Variants in ZNF655 observed in about 807,000 individuals in gnomAD.
ZNF655 encodes Vav-interacting Kruppel-like protein 1.
A neutral mutation model predicts 6.6 loss-of-function variants in ZNF655; 3 were observed. The observed-to-expected ratio is 0.46, with a 90% CI of 0.21 to 1.18. The LOEUF (loss-of-function observed/expected upper bound fraction) is 1.18. Among genes scored for constraint, ZNF655 ranks in the 50% most tolerant of loss-of-function variants. ZNF655 has a pLI of 0.24. For missense variants in ZNF655, 526 were observed against 572.3 expected (o/e 0.92, Z 0.83); for synonymous variants, 178 against 195.0 (o/e 0.91, Z 0.73).
rs1389657476 is a variant in ZNF655 at position 99,560,590 on chromosome 7, G to A, written c.31G>A (p.Gly11Arg). 6.2e-7 allele frequency: 1 copy of A among 1,614,182 alleles called. No individual in the cohort carries two copies. Among genetic ancestry groups the A allele is most frequent in the South Asian group, 1.1e-5 (1 of 91,080 alleles). MEEIPAQEAA[G>R]SPRVQFQSLE... Reference sequence around the variant, plus strand: ...GGAAATACCAGCCCAGGAAGCAGCAGGGTCACCAAGGGTCCAGTTTCAGTC... The same window carrying A: ...GGAAATACCAGCCCAGGAAGCAGCAAGGTCACCAAGGGTCCAGTTTCAGTC... Residue 11 changes from glycine to arginine, a missense_variant, in exon 2 of 3, where the codon GGG becomes AGG. Coordinates refer to ENST00000252713, the MANE Select transcript of ZNF655 (RefSeq NM_138494.3).
Position 99,573,175 on chromosome 7 carries a change from A to G in ZNF655, c.1067A>G (p.Lys356Arg). The G allele has an allele frequency of 6.2e-7, 1 of 1,614,164 alleles. No homozygotes were observed. Among genetic ancestry groups the G allele is most frequent in the Non-Finnish European group, 8.5e-7 (1 of 1,180,008 alleles). Residue 356 changes from lysine to arginine, a missense_variant, in exon 3 of 3, where the codon AAA becomes AGA. Coordinates refer to ENST00000252713, the MANE Select transcript of ZNF655 (RefSeq NM_138494.3). ...CATCAGAGGGTCCATCATGAAGAGAAAGCCTATGAGTATGATGAATATGGG... is the reference window on the plus strand; with the variant it reads ...CATCAGAGGGTCCATCATGAAGAGAGAGCCTATGAGTATGATGAATATGGG... ...LEHQRVHHEE[K>R]AYEYDEYGLA... is the part of the protein sequence containing the mutation.
chr7:99,572,712 T>G lies in ZNF655; in HGVS notation c.604T>G (p.Trp202Gly). 6.2e-7 allele frequency: 1 copy of G among 1,613,254 alleles called. No homozygotes were observed. Among genetic ancestry groups the G allele is most frequent in the Non-Finnish European group, 8.5e-7 (1 of 1,179,926 alleles). The change falls in exon 3 of 3, where the codon TGG (tryptophan) becomes GGG (glycine). Residue 202 changes from tryptophan to glycine, a missense_variant. Coordinates refer to ENST00000252713, the MANE Select transcript of ZNF655 (RefSeq NM_138494.3). The stretch of plus-strand genomic sequence containing the variant: ...AATGGATCTCTCCCACCTTAATAAA[T>G]GGGAGAGCATCCCTAACACTGAGAA... ...SLMDLSHLNK[W>G]ESIPNTEKSY...
Position 99,573,859 on chromosome 7 carries a change from A to G in ZNF655, c.*275A>G, listed in dbSNP as rs918036774. On this transcript the variant is annotated 3_prime_UTR_variant, in exon 3 of 3. Coordinates refer to ENST00000252713, the MANE Select transcript of ZNF655 (RefSeq NM_138494.3). Reference sequence around the variant, plus strand: ...TTGAATGTGGCAAATTTTTCATGCTATTAGTATTTTCATACCTTAGTCACA... The same window carrying G: ...TTGAATGTGGCAAATTTTTCATGCTGTTAGTATTTTCATACCTTAGTCACA... 1.0e-5 allele frequency: 4 copies of G among 392,184 alleles called. No homozygotes were observed. Among genetic ancestry groups the G allele is most frequent in the Non-Finnish European group, 1.4e-5 (3 of 219,982 alleles). 24.3% of individuals were successfully genotyped at this position (392,184 alleles called of 1,614,324 possible). A position where few individuals can be genotyped will look rare whatever the true frequency, so the allele number is the denominator to read the frequency against.
intron 2 of ZNF655, chr7:99,561,855 GCTCTCA>G (rs1171569611): frequency 1.4e-6 from 2 of 1,418,024 alleles, no homozygotes; most frequent in Non-Finnish European, 1.9e-6. Context: ...GGAAAGGGCT[GCTCTCA>G]CTCTTCACTC....
At chr7:99,565,462 G>A (rs980133994) in intron 2 of ZNF655, among the ~76,000 whole-genome samples, 11 of 152,158 alleles carry the variant, frequency 7.2e-5, no homozygotes, top group Admixed American at 2.0e-4. Flanking sequence ...GAGCCACTGC[G>A]CCTGGCCTCC....
chr7:99,569,233 ATT>A (rs1803859296), intron 2 of ZNF655, among the ~76,000 whole-genome samples: 1 of 152,206 alleles, frequency 6.6e-6, no homozygotes, highest in African/African-American at 2.4e-5. Flanking sequence ...AAAACTCAAG[ATT>A]TAAATAAAAT....
intron 2 of ZNF655, 114 bp from the exon 3 acceptor site, chr7:99,572,131 A>G (rs886592191): frequency 1.6e-4 from 188 of 1,178,494 alleles, no homozygotes; most frequent in Non-Finnish European, 2.0e-4. Context: ...CAGAGTAAAT[A>G]AACTTTTCTT....
intron 2 of ZNF655, among the ~76,000 whole-genome samples, chr7:99,565,600 A>G (rs780544778): frequency 5.3e-5 from 8 of 152,230 alleles, no homozygotes; most frequent in Non-Finnish European, 1.0e-4. Flanking sequence ...TCGTTACCAC[A>G]TAATTGAAAA....
At chr7:99,565,821 T>G (rs1211022854) in intron 2 of ZNF655, among the ~76,000 whole-genome samples, 1 of 152,202 alleles carries the variant, frequency 6.6e-6, no homozygotes, top group Non-Finnish European at 1.5e-5. Context: ...GTCAGTAGAT[T>G]GGGAATGTTT....
Position 99,560,665 on chromosome 7 carries a change from G to A in ZNF655, c.106G>A (p.Asp36Asn). 6.2e-7 allele frequency: 1 copy of A among 1,614,112 alleles called. No homozygotes were observed. The highest frequency in any genetic ancestry group is 8.5e-7 in the Non-Finnish European group (1 of 1,180,000). ...CLSPEPQFVQ[D>N]TDMEQGLTGD... ...GTCCCCAGAGCCTCAGTTTGTGCAG[G>A]ACACCGACATGGAACAGGGACTCAC... The change falls in exon 2 of 3, where the codon GAC (aspartate) becomes AAC (asparagine). Residue 36 changes from aspartate (D) to asparagine (N), a missense_variant. Transcript: ENST00000252713.
Position 99,573,755 on chromosome 7 carries a change from CGAAT to C in ZNF655, c.*175_*178del. ...CCAGAGAGAAACCCTCTGAATGTGA[CGAAT>C]GAAGAAAAGGTATTAGTGTTAAACT... is the stretch of plus-strand genomic sequence containing the variant. On this transcript the variant is annotated 3_prime_UTR_variant, in exon 3 of 3. Transcript: ENST00000252713. 2.7e-6 allele frequency: 2 copies of C among 731,794 alleles called. No individual in the cohort carries two copies. The allele number at this position is 731,794 out of a possible 1,614,324, so 45.3% of individuals were successfully genotyped here. A position where few individuals can be genotyped will look rare whatever the true frequency, so the allele number is the denominator to read the frequency against.
At chr7:99,560,416 T>C in intron 1 of ZNF655, 117 bp from the exon 2 acceptor site, 2 of 1,061,962 alleles carry the variant, frequency 1.9e-6, no homozygotes, top group South Asian at 2.0e-5. Context: ...TTAATCATTA[T>C]CAACTAATTT....
chr7:99,568,469 C>G (rs1803802930), intron 2 of ZNF655, among the ~76,000 whole-genome samples: 1 of 151,958 alleles, frequency 6.6e-6, no homozygotes, highest in African/African-American at 2.4e-5. Flanking sequence ...CCAGGATGGT[C>G]TCGATCTCCT....
chr7:99,566,897 A>G (rs1454480845), intron 2 of ZNF655, among the ~76,000 whole-genome samples: 1 of 152,172 alleles, frequency 6.6e-6, no homozygotes, highest in Non-Finnish European at 1.5e-5. Flanking sequence ...AATAAATTTT[A>G]TTAGAAAACT....
rs1804368668 is a variant in ZNF655 at position 99,575,927 on chromosome 7, A to G, written c.*2343A>G. On this transcript the variant is annotated 3_prime_UTR_variant, in exon 3 of 3. Coordinates refer to ENST00000252713, the MANE Select transcript of ZNF655 (RefSeq NM_138494.3). ...ACCATCATATACCTAACAAGAGTTCATGATTCTTTAGGTAATGTCAAAACA... is the reference window on the plus strand; with the variant it reads ...ACCATCATATACCTAACAAGAGTTCGTGATTCTTTAGGTAATGTCAAAACA... 1 of 152,242 alleles carries G rather than the reference A, an allele frequency of 6.6e-6. No homozygotes were observed. Among genetic ancestry groups the G allele is most frequent in the South Asian group, 2.1e-4 (1 of 4,836 alleles). 9.4% of individuals were successfully genotyped at this position (152,242 alleles called of 1,614,324 possible).
intron 2 of ZNF655, among the ~76,000 whole-genome samples, chr7:99,569,927 C>G (rs1488106473): frequency 6.6e-6 from 1 of 151,984 alleles, no homozygotes; most frequent in Non-Finnish European, 1.5e-5. Flanking sequence ...TACATTGTAC[C>G]TAATATATAG....
chr7:99,571,649 G>A, intron 2 of ZNF655: 2 of 1,479,696 alleles, frequency 1.4e-6, no homozygotes, highest in African/African-American at 1.4e-5. Flanking sequence ...TAGGACCTGG[G>A]GATACATTGC....
intron 2 of ZNF655, chr7:99,571,814 A>G (rs528204976): frequency 6.4e-5 from 96 of 1,511,764 alleles, no homozygotes; most frequent in Admixed American, 5.9e-5. Flanking sequence ...AGAATCAGAT[A>G]GAATTAGTAG....
At chr7:99,563,909 C>T (rs1274385145) in intron 2 of ZNF655, 2 of 1,613,276 alleles carry the variant, frequency 1.2e-6, no homozygotes, top group Admixed American at 1.7e-5. Context: ...GTGTGAATTC[C>T]TGCCCGGCCC....
Sources: gnomAD v4.1 joint callset for allele counts (sites outside exome capture counted in the v4.1 genomes callset) on GRCh38, gnomAD v4.1.1 for gene constraint, MANE v1.5 for transcripts, NCBI Gene and HGNC (gene_info 2026-07-23, HGNC 2026-07-21) for gene names.